Variants in TTC7A observed in about 807,000 individuals in gnomAD.
TTC7A encodes the protein tetratricopeptide repeat protein 7A.
A neutral mutation model predicts 103.7 loss-of-function variants in TTC7A; 110 were observed. The observed-to-expected ratio is 1.06, with a 90% CI of 0.91 to 1.24. The LOEUF (loss-of-function observed/expected upper bound fraction) is 1.24, where lower values mean the gene tolerates loss of function less well. Ranked by LOEUF, TTC7A falls within the 50% of genes most tolerant of loss-of-function variation. The pLI is 0.00. For synonymous variants in TTC7A, 521 were observed against 467.9 expected (o/e 1.11, Z -1.47); for missense variants, 1,340 against 1,116.3 (o/e 1.20, Z -2.86).
chr2:47,011,381 G>A lies in TTC7A; in HGVS notation c.1338G>A (p.Ser446=), dbSNP rs768056090. Residue 446 remains serine (S), a synonymous_variant, in exon 11 of 20, where the codon TCG becomes TCA. Transcript: ENST00000319190. ...GGGAGTGTGTGAAGTTGCGGCCCTC[G>A]GACCCCACCGTGCCCCTGATGGCCG... ...LLRECVKLRP[S]DPTVPLMAAK... is the part of the protein sequence containing the mutation. 18 of 1,612,294 alleles carry A rather than the reference G, an allele frequency of 1.1e-5. No individual in the cohort carries two copies. Among genetic ancestry groups the A allele is most frequent in the Middle Eastern group, 1.6e-4 (1 of 6,082 alleles).
chr2:46,941,428 G>T lies in TTC7A; in HGVS notation c.-114G>T, dbSNP rs1670362941. The T allele has an allele frequency of 4.3e-6, 5 of 1,164,184 alleles. No individual in the cohort carries two copies. Among genetic ancestry groups the T allele is most frequent in the Admixed American group, 8.4e-5 (2 of 23,946 alleles). 72.1% of individuals were successfully genotyped at this position (1,164,184 alleles called of 1,614,324 possible). A position where few individuals can be genotyped will look rare whatever the true frequency, so the allele number is the denominator to read the frequency against. ...GGCCCCCGCTGCCGCCCGGGCCCCG[G>T]CTGCCGTCTGCGCCCCCGTCGACCC... On this transcript the variant is annotated 5_prime_UTR_variant, in exon 1 of 20. Transcript: ENST00000319190. The surrounding 1 kb of genome is among the most constrained non-coding windows in gnomAD (Gnocchi z 4.2).
At chr2:47,012,205 G>A (rs896972377) in intron 11 of TTC7A, among the ~76,000 whole-genome samples, 1 of 152,246 alleles carries the variant, frequency 6.6e-6, no homozygotes, top group Admixed American at 6.5e-5. Flanking sequence ...CAGCAATGGG[G>A]CCTCTGTGCA....
chr2:46,959,469 G>A (rs964438624), intron 3 of TTC7A, among the ~76,000 whole-genome samples: 1 of 152,150 alleles, frequency 6.6e-6, no homozygotes, highest in African/African-American at 2.4e-5. Flanking sequence ...AGGAGGACAG[G>A]GCCTGTGTGT....
intron 18 of TTC7A, among the ~76,000 whole-genome samples, chr2:47,056,270 T>C (rs1336538304): frequency 6.6e-6 from 1 of 152,260 alleles, no homozygotes. Flanking sequence ...CTGATGCTTA[T>C]TTCCTTTGGG....
At chr2:47,046,723 C>G in intron 16 of TTC7A, 2 of 412,418 alleles carry the variant, frequency 4.8e-6, no homozygotes, top group Non-Finnish European at 4.4e-6. Flanking sequence ...GTTCCTTTAT[C>G]TTACACCTCA....
chr2:46,985,608 A>G (rs1674935939), intron 5 of TTC7A, among the ~76,000 whole-genome samples: 1 of 152,210 alleles, frequency 6.6e-6, no homozygotes, highest in Admixed American at 6.5e-5. Flanking sequence ...TTACTGAAGA[A>G]AGGAGAGGTT....
chr2:46,932,094 G>GA (rs1204649404), intron 2 of TTC7A, among the ~76,000 whole-genome samples: 2 of 150,818 alleles, frequency 1.3e-5, no homozygotes, highest in African/African-American at 2.4e-5. Flanking sequence ...ACTAGGAATA[G>GA]AAAAAACTTC....
chr2:46,992,266 CTGGCCCTCAGG>C (rs1675711602), intron 5 of TTC7A, among the ~76,000 whole-genome samples: 1 of 152,220 alleles, frequency 6.6e-6, no homozygotes, highest in Non-Finnish European at 1.5e-5. Context: ...AGCGATGCGC[CTGGCCCTCAGG>C]TGGCCACAGT....
chr2:47,008,018 C>T lies in TTC7A; in HGVS notation c.1287+1294C>T, dbSNP rs114954325. 2.6e-4 allele frequency among the ~76,000 whole-genome samples: 39 copies of T among 152,232 alleles called. No homozygotes were observed. The East Asian group carries it at 2.7e-3, about 11-fold the overall frequency. ...AAGGGGCTGGAAAAGACGAGCTGGC[C>T]GTGGGGATGGGGACAGGAAGGTGTT... On this transcript the variant is annotated intron_variant, in intron 10 of 19. Transcript: ENST00000319190.
At chr2:46,967,072 G>A (rs1427050569) in intron 3 of TTC7A, among the ~76,000 whole-genome samples, 2 of 152,002 alleles carry the variant, frequency 1.3e-5, no homozygotes, top group Non-Finnish European at 2.9e-5. Context: ...AATTAGCCAG[G>A]CGTGGTGGCG....
upstream of TTC7A, among the ~76,000 whole-genome samples, chr2:46,936,450 C>T (rs1572659411): frequency 1.3e-5 from 2 of 152,100 alleles, no homozygotes; most frequent in African/African-American, 2.4e-5. Flanking sequence ...ACAATCTCTC[C>T]GGACCCTCTG....
intron 3 of TTC7A, among the ~76,000 whole-genome samples, chr2:46,966,900 G>GT (rs70940650): frequency 0.67 from 95,962 of 143,770 alleles, 31,964 homozygotes; most frequent in East Asian, 0.8. Context: ...TGTGTTTTTT[G>GT]TTTTTTTTTT....
intron 1 of TTC7A, among the ~76,000 whole-genome samples, chr2:46,945,716 AC>A (rs1285167843): frequency 6.7e-6 from 1 of 148,706 alleles, no homozygotes; most frequent in Admixed American, 6.7e-5. Context: ...ATCTGTAGTC[AC>A]CCTCCCCGCC....
At chr2:46,932,985 G>C (rs1669792006) in intron 2 of TTC7A, among the ~76,000 whole-genome samples, 1 of 152,034 alleles carries the variant, frequency 6.6e-6, no homozygotes, top group South Asian at 2.1e-4. Flanking sequence ...GACACTCAAG[G>C]CTAGCCTTAG....
At chr2:46,934,646 G>C (rs1669874274) in intron 2 of TTC7A, among the ~76,000 whole-genome samples, 1 of 151,862 alleles carries the variant, frequency 6.6e-6, no homozygotes, top group Non-Finnish European at 1.5e-5. Context: ...CCCCTCATAG[G>C]TTGCAGTAAG....
At chr2:46,984,819 G>A (rs191322789) in intron 5 of TTC7A, among the ~76,000 whole-genome samples, 2 of 152,256 alleles carry the variant, frequency 1.3e-5, no homozygotes, top group Admixed American at 6.5e-5. Context: ...TCCAGCTTCG[G>A]GCCTGAGCGG....
intron 2 of TTC7A, among the ~76,000 whole-genome samples, chr2:46,933,888 G>T (rs533404542): frequency 6.6e-6 from 1 of 152,154 alleles, no homozygotes; most frequent in African/African-American, 2.4e-5. Flanking sequence ...GGAACACAGG[G>T]CTCTAAGGGA....
At chr2:47,069,897 T>C (rs1336164159) in intron 19 of TTC7A, among the ~76,000 whole-genome samples, 2 of 152,072 alleles carry the variant, frequency 1.3e-5, no homozygotes. Context: ...AGCTGATTCC[T>C]GGCTTCCCAG....
intron 4 of TTC7A, among the ~76,000 whole-genome samples, chr2:46,977,059 T>C (rs762933276): frequency 6.6e-6 from 1 of 152,164 alleles, no homozygotes; most frequent in Non-Finnish European, 1.5e-5. Context: ...GAAACTTTCA[T>C]GGAAAAGATA....
Sources: gnomAD v4.1 joint callset for allele counts (sites outside exome capture counted in the v4.1 genomes callset) on GRCh38, gnomAD v4.1.1 for gene constraint, Gnocchi (gnomAD v3.1) non-coding constraint, MANE v1.5 for transcripts, NCBI Gene and HGNC (gene_info 2026-07-23, HGNC 2026-07-21) for gene names.